The following ZNF496 variants were observed in gnomAD, a reference collection of about 807,000 sequenced individuals.
ZNF496 encodes the protein zinc finger protein 496.
ZNF496 carries 11 observed loss-of-function variants against 58.9 expected under a neutral mutation model. The observed-to-expected ratio is 0.19, with a 90% CI of 0.12 to 0.31. The LOEUF (loss-of-function observed/expected upper bound fraction) is 0.31, where lower values mean the gene tolerates loss of function less well. Among genes scored for constraint, ZNF496 ranks in the 10% least tolerant of loss-of-function variants. The probability of loss-of-function intolerance (pLI) is 1.00; values close to 1 mark genes in which losing one functional copy is unlikely to be tolerated. For synonymous variants in ZNF496, 338 were observed against 318.2 expected (o/e 1.06, Z -0.66); for missense variants, 660 against 783.0 (o/e 0.84, Z 1.88).
chr1:247,301,392 C>T (rs1459826567), intron 9 of ZNF496, 116 bp from the exon 10 acceptor site: 3 of 1,364,492 alleles, frequency 2.2e-6, no homozygotes, highest in Non-Finnish European at 2.9e-6. Context: ...TTACAATGGT[C>T]CTCGGTGACC....
At chr1:247,323,089 A>G in intron 6 of ZNF496, 65 bp downstream of exon 6, 1 of 1,393,032 alleles carries the variant, frequency 7.2e-7, no homozygotes, top group South Asian at 1.2e-5. Context: ...GGTCCTAAGA[A>G]AGCTGCCCTG....
At chr1:247,314,407 A>G (rs892374336) in intron 6 of ZNF496, among the ~76,000 whole-genome samples, 2 of 141,620 alleles carry the variant, frequency 1.4e-5, no homozygotes, top group Non-Finnish European at 2.9e-5. Context: ...CAAGGTTTTC[A>G]GTATTTATTA....
intron 6 of ZNF496, among the ~76,000 whole-genome samples, chr1:247,317,474 C>T (rs933110979): frequency 6.6e-6 from 1 of 152,200 alleles, no homozygotes; most frequent in Non-Finnish European, 1.5e-5. Context: ...TCCACCCTCA[C>T]CAGGTGCAAT....
chr1:247,305,856 G>A (rs956273680), intron 9 of ZNF496, among the ~76,000 whole-genome samples: 9 of 152,200 alleles, frequency 5.9e-5, no homozygotes, highest in Non-Finnish European at 1.3e-4. Flanking sequence ...AAAGCAGAAA[G>A]GCTGCTTGAG....
intron 6 of ZNF496, among the ~76,000 whole-genome samples, chr1:247,317,707 A>G (rs1365941777): frequency 6.6e-6 from 1 of 152,240 alleles, no homozygotes; most frequent in African/African-American, 2.4e-5. Context: ...GGTAATAACA[A>G]GTGGTGGCCC....
chr1:247,309,712 C>G lies in ZNF496; in HGVS notation c.879G>C (p.Gln293His), dbSNP rs763132117. The stretch of plus-strand genomic sequence containing the variant: ...ATCATTACTCACCCAAGTAGGAGAC[C>G]TGGGGCACTTCTTTGCCCTGGAGAT... ...LQDLQGKEVP[Q>H]VSYLDSPSLQ... The change falls in exon 8 of 10, where the codon CAG (glutamine) becomes CAC (histidine). Residue 293 changes from glutamine (Q) to histidine (H), a missense_variant. Coordinates refer to ENST00000682384, the MANE Select transcript of ZNF496 (RefSeq NM_032752.3). This position sits in a 1 kb window ranked among gnomAD's most constrained non-coding sequence, Gnocchi z 4.3. 29 of 1,614,154 alleles carry G rather than the reference C, an allele frequency of 1.8e-5. No individual in the cohort carries two copies. In the South Asian group the frequency reaches 2.6e-4, roughly 15 times the overall value.
At chr1:247,326,834 CA>C (rs1660143783) in intron 5 of ZNF496, among the ~76,000 whole-genome samples, 1 of 152,132 alleles carries the variant, frequency 6.6e-6, no homozygotes, top group South Asian at 2.1e-4. Flanking sequence ...CAGACACACA[CA>C]AAGGAAAGAC....
At chr1:247,327,784 C>A (rs1351500768) in intron 5 of ZNF496, among the ~76,000 whole-genome samples, 1 of 79,172 alleles carries the variant, frequency 1.3e-5, no homozygotes, top group East Asian at 6.1e-4. Context: ...AGCACTATGG[C>A]AAGTCCACCC....
chr1:247,309,615 G>A lies in ZNF496; in HGVS notation c.892+84C>T. ...GAAGAAGGCAATTAGGGGCCGCAGA[G>A]AGAAGCCAGAGAGTGGGCTCACCTC... On this transcript the variant is annotated intron_variant, in intron 8 of 9. Coordinates refer to ENST00000682384, the MANE Select transcript of ZNF496 (RefSeq NM_032752.3). The surrounding 1 kb of genome is among the most constrained non-coding windows in gnomAD (Gnocchi z 4.3). The A allele has an allele frequency of 6.4e-7, 1 of 1,567,190 alleles. No individual in the cohort carries two copies. Among genetic ancestry groups the A allele is most frequent in the Non-Finnish European group, 8.7e-7 (1 of 1,155,344 alleles).
intron 9 of ZNF496, among the ~76,000 whole-genome samples, chr1:247,302,304 C>G (rs1255489625): frequency 6.6e-6 from 1 of 151,854 alleles, no homozygotes; most frequent in Non-Finnish European, 1.5e-5. Flanking sequence ...CAGGAAGACA[C>G]AGAGGCTATG....
chr1:247,322,258 G>A (rs1292564120), intron 6 of ZNF496, among the ~76,000 whole-genome samples: 1 of 152,134 alleles, frequency 6.6e-6, no homozygotes, highest in African/African-American at 2.4e-5. Context: ...ATTGAAGCCT[G>A]GGTGACAAGG....
At position 247,323,206 on chromosome 1, in the gene ZNF496, T is replaced by C; in HGVS notation, c.599A>G (p.Gln200Arg). The stretch of plus-strand genomic sequence containing the variant: ...CTGTGTGTCCCGCACATTCTCTTCC[T>C]GAAGAAGGAAAGCATCTTGCAGAAC... ...DPVLQDAFLL[Q>R]EENVRDTQQV... The change falls in exon 6 of 10, where the codon CAG becomes CGG. Residue 200 changes from glutamine to arginine, a missense_variant. Transcript: ENST00000682384. 1 of 1,614,016 alleles carries C rather than the reference T, an allele frequency of 6.2e-7. No individual in the cohort carries two copies. Among genetic ancestry groups the C allele is most frequent in the Non-Finnish European group, 8.5e-7 (1 of 1,179,912 alleles).
At chr1:247,310,130 G>T in intron 7 of ZNF496, 194 bp downstream of exon 7, 1 of 1,436,324 alleles carries the variant, frequency 7.0e-7, no homozygotes, top group Non-Finnish European at 9.1e-7. Flanking sequence ...GACAGCAGGT[G>T]ATGGTCAATC....
Position 247,328,735 on chromosome 1 carries a change from T to G in ZNF496, c.522A>C (p.Ala174=). 6.2e-7 allele frequency: 1 copy of G among 1,612,722 alleles called. No homozygotes were observed. Among genetic ancestry groups the G allele is most frequent in the Non-Finnish European group, 8.5e-7 (1 of 1,179,368 alleles). Residue 174 remains alanine (A), a synonymous_variant, in exon 5 of 10, where the codon GCA becomes GCC. Coordinates refer to ENST00000682384, the MANE Select transcript of ZNF496 (RefSeq NM_032752.3). The part of the protein sequence containing the change: ...KNQDAQPITL[A]QCLGLPSRPP... The stretch of plus-strand genomic sequence containing the variant: ...GTCTGCTTGGGAGCCCCAGGCACTG[T>G]GCCAGGGTTATGGGCTGGGCATCCT...
At chr1:247,304,020 T>C in intron 9 of ZNF496, 1 of 425,882 alleles carries the variant, frequency 2.3e-6, no homozygotes, top group Non-Finnish European at 4.7e-6. Context: ...GCAGGGTTTC[T>C]GAGTATTATA....
chr1:247,328,563 G>T, intron 5 of ZNF496, 120 bp downstream of exon 5: 1 of 1,071,554 alleles, frequency 9.3e-7, no homozygotes, highest in Non-Finnish European at 1.3e-6. Context: ...ACAGCACCTC[G>T]GGGACACGAG....
At chr1:247,312,723 G>T (rs183789672) in intron 6 of ZNF496, 110 of 139,028 alleles carry the variant, frequency 7.9e-4, no homozygotes, top group African/African-American at 2.8e-3. Context: ...GACAGAGCAG[G>T]ACTCCATCTC....
chr1:247,324,449 G>A (rs1660059253), intron 5 of ZNF496, among the ~76,000 whole-genome samples: 1 of 152,154 alleles, frequency 6.6e-6, no homozygotes, highest in Non-Finnish European at 1.5e-5. Context: ...AAATTGCTAA[G>A]AGGGTAGATC....
At chr1:247,318,578 T>C (rs1659859594) in intron 6 of ZNF496, among the ~76,000 whole-genome samples, 1 of 151,996 alleles carries the variant, frequency 6.6e-6, no homozygotes, top group Admixed American at 6.6e-5. Flanking sequence ...CAGAAGGAAG[T>C]AACATAATAT....
Sources: gnomAD v4.1 joint callset for allele counts (sites outside exome capture counted in the v4.1 genomes callset) on GRCh38, gnomAD v4.1.1 for gene constraint, Gnocchi (gnomAD v3.1) non-coding constraint, MANE v1.5 for transcripts, NCBI Gene and HGNC (gene_info 2026-07-23, HGNC 2026-07-21) for gene names.